BCAR3: variants seen among roughly 807,000 people sequenced by gnomAD.
The protein encoded by BCAR3 is BCAR3 adaptor protein, NSP family member, also known as breast cancer anti-estrogen resistance protein 3.
BCAR3 carries 37 observed loss-of-function variants against 80.1 expected under a neutral mutation model. That is an observed-to-expected ratio of 0.46 (90% CI 0.36 to 0.61). The LOEUF (loss-of-function observed/expected upper bound fraction) is 0.61, where lower values mean the gene tolerates loss of function less well. Among genes scored for constraint, BCAR3 ranks in the 20% least tolerant of loss-of-function variants. BCAR3 has a pLI of 0.00. For missense variants in BCAR3, 978 were observed against 1,068.2 expected (o/e 0.92, Z 1.18); for synonymous variants, 389 against 418.9 (o/e 0.93, Z 0.87).
chr1:93,609,902 C>G (rs1674898134), intron 3 of BCAR3, among the ~76,000 whole-genome samples: 1 of 152,254 alleles, frequency 6.6e-6, no homozygotes, highest in African/African-American at 2.4e-5. Context: ...GGAGGCCATC[C>G]CTGATCCTCG....
rs1390308622 is a variant in BCAR3 at position 93,582,617 on chromosome 1, A to C, written c.1370T>G (p.Leu457Arg). ...PSCAQGSHTE[L>R]LTAKQNEAPG... Reference sequence around the variant, plus strand: ...CGCCTCATTCTGCTTGGCTGTGAGCAGTTCTGTGTGGCTTCCCTGGGCACA... The same window carrying C: ...CGCCTCATTCTGCTTGGCTGTGAGCCGTTCTGTGTGGCTTCCCTGGGCACA... The change falls in exon 7 of 12, where the codon CTG becomes CGG. Residue 457 changes from leucine to arginine, a missense_variant. By Grantham distance (102) the Leu-to-Arg change is moderately radical. Transcript: ENST00000260502. The C allele has an allele frequency of 1.2e-6, 2 of 1,613,792 alleles. No individual in the cohort carries two copies. The highest frequency in any genetic ancestry group is 1.7e-6 in the Non-Finnish European group (2 of 1,179,952).
intron 3 of BCAR3, among the ~76,000 whole-genome samples, chr1:93,637,215 G>A (rs1675812401): frequency 6.6e-6 from 1 of 151,964 alleles, no homozygotes; most frequent in African/African-American, 2.4e-5. Context: ...TGTTGCCCAG[G>A]CTGGAGTGCA....
intron 2 of BCAR3, among the ~76,000 whole-genome samples, chr1:93,750,390 C>G (rs1461010156): frequency 6.6e-6 from 1 of 152,208 alleles, no homozygotes. Flanking sequence ...CTCAAAGGCA[C>G]TGTGAGGATC....
intron 2 of BCAR3, among the ~76,000 whole-genome samples, chr1:93,826,227 C>T (rs1010890727): frequency 1.6e-4 from 24 of 152,266 alleles, no homozygotes; most frequent in African/African-American, 5.5e-4. Context: ...TGTTCCACAC[C>T]TGCCTCATGA....
intron 2 of BCAR3, among the ~76,000 whole-genome samples, chr1:93,643,202 G>A (rs1676040046): frequency 6.7e-6 from 1 of 148,592 alleles, no homozygotes; most frequent in Non-Finnish European, 1.5e-5. Flanking sequence ...ACTCCAGCCT[G>A]GGCAACAAGA....
intron 2 of BCAR3, among the ~76,000 whole-genome samples, chr1:93,813,821 T>G (rs1425866579): frequency 1.3e-5 from 2 of 152,200 alleles, no homozygotes; most frequent in African/African-American, 4.8e-5. Context: ...TTGTATTGCT[T>G]TTTTCTCAGC....
chr1:93,606,796 C>G (rs1308974673), intron 3 of BCAR3, among the ~76,000 whole-genome samples: 1 of 152,106 alleles, frequency 6.6e-6, no homozygotes, highest in Admixed American at 6.6e-5. Flanking sequence ...AAGAGAAACC[C>G]AAGAAGACAG....
chr1:93,664,993 C>T (rs754858589), intron 2 of BCAR3, among the ~76,000 whole-genome samples: 9 of 144,470 alleles, frequency 6.2e-5, no homozygotes, highest in Non-Finnish European at 1.2e-4. Flanking sequence ...TCTAACTAAT[C>T]GAGAGGCAGA....
At chr1:93,666,910 C>T (rs1647944058) in intron 2 of BCAR3, among the ~76,000 whole-genome samples, 1 of 152,150 alleles carries the variant, frequency 6.6e-6, no homozygotes. Flanking sequence ...AACGTGATCT[C>T]AGGTTACACC....
intron 2 of BCAR3, among the ~76,000 whole-genome samples, chr1:93,821,027 C>T (rs1654200020): frequency 6.6e-6 from 1 of 152,154 alleles, no homozygotes; most frequent in Non-Finnish European, 1.5e-5. Flanking sequence ...CCTGTCACCC[C>T]TATCACTCCG....
chr1:93,596,041 T>C (rs1674407472), intron 3 of BCAR3, among the ~76,000 whole-genome samples: 1 of 152,220 alleles, frequency 6.6e-6, no homozygotes, highest in Non-Finnish European at 1.5e-5. Flanking sequence ...CAATTTAAGG[T>C]AACACAACAG....
intron 2 of BCAR3, among the ~76,000 whole-genome samples, chr1:93,671,330 TA>T (rs1648194371): frequency 2.0e-5 from 3 of 152,124 alleles, no homozygotes; most frequent in African/African-American, 7.2e-5. Context: ...AAGCTAAACA[TA>T]TTTTTTTGGA....
chr1:93,585,876 C>T (rs1673922469), intron 5 of BCAR3, among the ~76,000 whole-genome samples: 1 of 151,834 alleles, frequency 6.6e-6, no homozygotes, highest in African/African-American at 2.4e-5. Flanking sequence ...GTAGCTGGGA[C>T]CACAGGCACA....
chr1:93,838,612 C>T (rs1654850004), intron 2 of BCAR3, among the ~76,000 whole-genome samples: 1 of 152,178 alleles, frequency 6.6e-6, no homozygotes, highest in Admixed American at 6.5e-5. Flanking sequence ...AAGTAGCCCT[C>T]CCCTTTCTAG....
rs757365063 is a variant in BCAR3, at chr1:93,582,314, C to T, written c.1673G>A (p.Ser558Asn). The part of the protein sequence containing the change: ...DPKVIAQHVL[S>N]MDCRVARILG... ...CCCAGCGCTTACCCTGCAGTCCATG[C>T]TCAGTACGTGCTGGGCGATGACCTT... The change falls in exon 7 of 12, where the codon AGC becomes AAC. Residue 558 changes from serine (S) to asparagine (N), a missense_variant. Ser to Asn is a conservative substitution (Grantham distance 46). Coordinates refer to ENST00000260502, the MANE Select transcript of BCAR3 (RefSeq NM_003567.4). The T allele has an allele frequency of 3.7e-6, 6 of 1,613,690 alleles. No homozygotes were observed.
chr1:93,732,338 G>A (rs1650818621), intron 2 of BCAR3, among the ~76,000 whole-genome samples: 1 of 152,214 alleles, frequency 6.6e-6, no homozygotes. Context: ...GATCTGGCCA[G>A]GTGCAGTGGC....
chr1:93,826,669 AG>A (rs1654383788), intron 2 of BCAR3, among the ~76,000 whole-genome samples: 1 of 152,216 alleles, frequency 6.6e-6, no homozygotes, highest in South Asian at 2.1e-4. Flanking sequence ...AAGGAAAGTC[AG>A]GGTGCTAAAG....
chr1:93,836,622 G>T (rs533928741), intron 2 of BCAR3, among the ~76,000 whole-genome samples: 9 of 151,486 alleles, frequency 5.9e-5, no homozygotes, highest in African/African-American at 2.2e-4. Context: ...AATTTTCACC[G>T]CCCCAACACT....
At chr1:93,687,166 T>A (rs985838818) in intron 3 of BCAR3, among the ~76,000 whole-genome samples, 3 of 152,246 alleles carry the variant, frequency 2.0e-5, no homozygotes, top group Non-Finnish European at 4.4e-5. Flanking sequence ...CTTTTCACCT[T>A]TATATTACAT....
Sources: allele counts gnomAD v4.1 joint callset (sites outside exome capture counted in the v4.1 genomes callset), GRCh38; gene constraint gnomAD v4.1.1; transcripts MANE v1.5; gene names NCBI Gene and HGNC (gene_info 2026-07-23, HGNC 2026-07-21).